The following PAOX variants were observed in gnomAD, a reference collection of about 807,000 sequenced individuals.
The protein encoded by PAOX is peroxisomal N(1)-acetyl-spermine/spermidine oxidase.
Under a neutral mutation model 39.0 loss-of-function variants are expected in PAOX, and 38 were observed. That is an observed-to-expected ratio of 0.97 (90% CI 0.75 to 1.28). PAOX has a LOEUF of 1.28. PAOX is among the 50% of genes most tolerant of loss of function. The pLI is 0.00. For missense variants in PAOX, 667 were observed against 685.7 expected, an observed-to-expected ratio of 0.97 and a Z score of 0.30; for synonymous variants, 311 against 314.4, an observed-to-expected ratio of 0.99 and a Z score of 0.11.
chr10:133,389,216 T>C (rs1377213835), intron 5 of PAOX, 148 bp downstream of exon 5: 31 of 690,794 alleles, frequency 4.5e-5, no homozygotes, highest in Non-Finnish European at 7.8e-5. Context: ...GTTAGTGGGG[T>C]CAGTAACAGT....
chr10:133,381,965 A>G (rs1216052290), intron 3 of PAOX, among the ~76,000 whole-genome samples: 1 of 142,376 alleles, frequency 7.0e-6, no homozygotes, highest in Non-Finnish European at 1.5e-5. Flanking sequence ...AGGAAAAGGC[A>G]TGAAAGGCCT....
intron 3 of PAOX, 24 bp downstream of exon 3, chr10:133,381,683 C>T (rs752302844): frequency 4.3e-6 from 7 of 1,609,956 alleles, no homozygotes; most frequent in Admixed American, 3.3e-5. Flanking sequence ...TCAGCCCAAA[C>T]CCCCATCCCA....
chr10:133,391,477 CCA>C lies in PAOX; in HGVS notation c.*24_*25del. 6.3e-7 allele frequency: 1 copy of C among 1,592,760 alleles called. No individual in the cohort carries two copies. On this transcript the variant is annotated 3_prime_UTR_variant, in exon 7 of 7. Coordinates refer to ENST00000278060, the MANE Select transcript of PAOX (RefSeq NM_152911.4). ...CTAGCTGGGCCCAGCCTACTCTGTTCCACCCGTGTCGGGGGTAGGCTGGGACC... is the reference window on the plus strand; with the variant it reads ...CTAGCTGGGCCCAGCCTACTCTGTTCCCCGTGTCGGGGGTAGGCTGGGACC...
chr10:133,389,150 A>C, intron 5 of PAOX, 82 bp downstream of exon 5: 1 of 1,168,742 alleles, frequency 8.6e-7, no homozygotes, highest in Non-Finnish European at 1.3e-6. Flanking sequence ...TTTGCAGAAC[A>C]GAGAAAAACT....
At chr10:133,386,160 G>C (rs1849527276) in intron 4 of PAOX, among the ~76,000 whole-genome samples, 1 of 151,994 alleles carries the variant, frequency 6.6e-6, no homozygotes, top group Non-Finnish European at 1.5e-5. Context: ...GAGTAGCTGG[G>C]ATTATAGGTG....
chr10:133,391,179 C>T (rs1589903279), intron 6 of PAOX, 133 bp from the exon 7 acceptor site: 14 of 880,648 alleles, frequency 1.6e-5, no homozygotes, highest in Admixed American at 1.9e-5. Flanking sequence ...GCCCTTTTCT[C>T]GTCCGTTGGT....
At position 133,379,387 on chromosome 10, in the gene PAOX, C is replaced by A; in HGVS notation, c.71C>A (p.Ala24Glu). ...PRVLVVGGGI[A>E]GLGAAQRLCG... The stretch of plus-strand genomic sequence containing the variant: ...GTGCTGGTGGTGGGCGGCGGCATCG[C>A]GGGGCTGGGCGCGGCGCAGAGGCTC... The change falls in exon 1 of 7, where the codon GCG (alanine) becomes GAG (glutamate). Residue 24 changes from alanine to glutamate, a missense_variant. Physicochemically the swap from Ala to Glu is moderately radical, Grantham distance 107. Transcript: ENST00000278060. 1 of 1,220,418 alleles carries A rather than the reference C, an allele frequency of 8.2e-7. No homozygotes were observed. Among genetic ancestry groups the A allele is most frequent in the East Asian group, 3.3e-5 (1 of 30,752 alleles). The allele number at this position is 1,220,418 out of a possible 1,614,324, so 75.6% of individuals were successfully genotyped here. A position where few individuals can be genotyped will look rare whatever the true frequency, so the allele number is the denominator to read the frequency against.
intron 4 of PAOX, among the ~76,000 whole-genome samples, chr10:133,388,568 T>C (rs905083623): frequency 5.9e-5 from 9 of 152,250 alleles, no homozygotes; most frequent in Admixed American, 5.9e-4. Flanking sequence ...AGGGACGGTT[T>C]ACCTGCCCTG....
At chr10:133,381,769 G>A (rs1032928920) in intron 3 of PAOX, 110 bp downstream of exon 3, 21 of 1,059,700 alleles carry the variant, frequency 2.0e-5, no homozygotes, top group African/African-American at 6.4e-5. Context: ...TCACATTTTC[G>A]TTCTAGTAAG....
At chr10:133,381,318 C>G in intron 2 of PAOX, 142 bp from the exon 3 acceptor site, 1 of 740,006 alleles carries the variant, frequency 1.4e-6, no homozygotes. Context: ...CAGAGTGGAG[C>G]TGACCTCCTT....
chr10:133,381,434 C>T lies in PAOX; in HGVS notation c.669-26C>T, dbSNP rs11101727. 5,402 of 1,610,504 alleles carry T rather than the reference C, an allele frequency of 3.4e-3. 146 individuals are homozygous for T. The African/African-American group carries it at 0.063, about 19-fold the overall frequency. On this transcript the variant is annotated intron_variant, in intron 2 of 6. Transcript: ENST00000278060. The stretch of plus-strand genomic sequence containing the variant: ...TGCCCTTCCAGGGACTGGGCCTCTA[C>T]GAAACCAGCACTTCCGTCTTTCTAG...
At position 133,390,380 on chromosome 10, in the gene PAOX, C is replaced by T. The variant is rs114762815; in HGVS notation, c.1392+633C>T. On this transcript the variant is annotated intron_variant, in intron 6 of 6. Coordinates refer to ENST00000278060, the MANE Select transcript of PAOX (RefSeq NM_152911.4). Reference sequence around the variant, plus strand: ...TTTGCTGAGGCCAAGAGTTCGAGACCAGCCTGGGCAACATAGTGAGAGTCG... The same window carrying T: ...TTTGCTGAGGCCAAGAGTTCGAGACTAGCCTGGGCAACATAGTGAGAGTCG... Among the ~76,000 whole-genome samples, 402 of 151,338 alleles carry T rather than the reference C, an allele frequency of 2.7e-3. 4 individuals are homozygous for T. Among genetic ancestry groups the T allele is most frequent in the African/African-American group, 8.1e-3 (332 of 41,194 alleles).
rs531913236 is a variant in PAOX at position 133,388,467 on chromosome 10, G to A, written c.1122-489G>A. Among the ~76,000 whole-genome samples, 21 of 152,306 alleles carry A rather than the reference G, an allele frequency of 1.4e-4. No homozygotes were observed. The South Asian group carries it at 2.7e-3, about 20-fold the overall frequency. ...AAAGGACATGATCTCGTTCTTTGAC[G>A]GCTGCAAAAAGCAGCATTTTGTAAC... On this transcript the variant is annotated intron_variant, in intron 4 of 6. Transcript: ENST00000278060.
At chr10:133,380,559 C>T (rs1849338692) in intron 2 of PAOX, 74 bp downstream of exon 2, 6 of 1,486,142 alleles carry the variant, frequency 4.0e-6, no homozygotes, top group Non-Finnish European at 3.6e-6. Context: ...CTGAGCTCCG[C>T]TCTTGCTTGG....
At chr10:133,385,330 G>A (rs775763819) in intron 4 of PAOX, among the ~76,000 whole-genome samples, 12 of 152,030 alleles carry the variant, frequency 7.9e-5, no homozygotes, top group Admixed American at 2.6e-4. Context: ...CATTCCAGGT[G>A]TTGAGATAGG....
Position 133,384,742 on chromosome 10 carries a change from G to C in PAOX, c.1121+530G>C, listed in dbSNP as rs575008274. 6.6e-6 allele frequency among the ~76,000 whole-genome samples: 1 copy of C among 152,230 alleles called. No homozygotes were observed. Among genetic ancestry groups the C allele is most frequent in the Non-Finnish European group, 1.5e-5 (1 of 68,048 alleles). On this transcript the variant is annotated intron_variant, in intron 4 of 6. Transcript: ENST00000278060. The surrounding 1 kb of genome is among the most constrained non-coding windows in gnomAD (Gnocchi z 4.3). ...TGAGTGATGTGGGGATGGAGGGACTGACTTTTCCAGCAAGATTAAAACACA... is the reference window on the plus strand; with the variant it reads ...TGAGTGATGTGGGGATGGAGGGACTCACTTTTCCAGCAAGATTAAAACACA...
Position 133,391,488 on chromosome 10 carries a change from G to A in PAOX, c.*33G>A, listed in dbSNP as rs766737032. On this transcript the variant is annotated 3_prime_UTR_variant, in exon 7 of 7. Coordinates refer to ENST00000278060, the MANE Select transcript of PAOX (RefSeq NM_152911.4). ...CAGCCTACTCTGTTCCACCCGTGTC[G>A]GGGGTAGGCTGGGACCCTCATTTCT... 8.9e-6 allele frequency: 14 copies of A among 1,577,408 alleles called. No homozygotes were observed. The East Asian group carries it at 2.0e-4, about 23-fold the overall frequency.
At chr10:133,381,853 G>A (rs1047703543) in intron 3 of PAOX, among the ~76,000 whole-genome samples, 194 bp downstream of exon 3, 16 of 152,180 alleles carry the variant, frequency 1.1e-4, no homozygotes, top group Non-Finnish European at 1.5e-5. Flanking sequence ...GGGTTTCACC[G>A]TAAGAAAAAA....
intron 3 of PAOX, among the ~76,000 whole-genome samples, chr10:133,381,902 G>A (rs1216994692): frequency 6.6e-6 from 1 of 152,158 alleles, no homozygotes; most frequent in Non-Finnish European, 1.5e-5. Context: ...GGAGGTAACC[G>A]TTTAGGGTTG....
Sources: allele counts gnomAD v4.1 joint callset (sites outside exome capture counted in the v4.1 genomes callset), GRCh38; gene constraint gnomAD v4.1.1; non-coding constraint Gnocchi (gnomAD v3.1); transcripts MANE v1.5; gene names NCBI Gene and HGNC (gene_info 2026-07-23, HGNC 2026-07-21).